Variants in VPS13A observed in about 807,000 individuals in gnomAD.
VPS13A encodes intermembrane lipid transfer protein VPS13A.
A neutral mutation model predicts 390.9 loss-of-function variants in VPS13A; 264 were observed. The observed-to-expected ratio is 0.68, with a 90% CI of 0.61 to 0.75. The LOEUF is 0.75. Among genes scored for constraint, VPS13A ranks in the 30% least tolerant of loss-of-function variants. VPS13A has a pLI of 0.00. For synonymous variants in VPS13A, 1,231 were observed against 1,227.1 expected (o/e 1.00, Z -0.07); for missense variants, 3,409 against 3,733.9 (o/e 0.91, Z 2.27).
chr9:77,251,053 A>C (rs534671366), intron 21 of VPS13A, among the ~76,000 whole-genome samples: 2 of 152,224 alleles, frequency 1.3e-5, no homozygotes, highest in Non-Finnish European at 2.9e-5. Flanking sequence ...TGAGAATCCA[A>C]AGTAGTTGTT....
intron 68 of VPS13A, chr9:77,384,752 C>T: frequency 1.9e-6 from 3 of 1,541,012 alleles, no homozygotes; most frequent in Non-Finnish European, 2.6e-6. Context: ...TACCATAATG[C>T]CCATATGTCC....
rs117179064 is a variant in VPS13A at position 77,336,344 on chromosome 9, A to G, written c.6096-911A>G. On this transcript the variant is annotated intron_variant, in intron 46 of 71. Transcript: ENST00000360280. ...TTCTGCATATGTATCCCAGAACCTA[A>G]AGTATAATTAAAACAAAAACACTAA... 1.2e-4 allele frequency among the ~76,000 whole-genome samples: 19 copies of G among 152,286 alleles called. No homozygotes were observed. In the East Asian group the frequency reaches 3.5e-3, roughly 28 times the overall value.
rs143494896 is a variant in VPS13A at position 77,412,042 on chromosome 9, A to G, written c.9475-3914A>G. Among the ~76,000 whole-genome samples, 57 of 152,338 alleles carry G rather than the reference A, an allele frequency of 3.7e-4. 1 individual carries two copies. The East Asian group carries it at 0.01, about 27-fold the overall frequency. Reference sequence around the variant, plus strand: ...ACATACACCCTCCCAAGACTAAAGCAGGAAGAAGTTGAGTCTCTGAAGAGA... The same window carrying G: ...ACATACACCCTCCCAAGACTAAAGCGGGAAGAAGTTGAGTCTCTGAAGAGA... On this transcript the variant is annotated intron_variant, in intron 71 of 71. Coordinates refer to ENST00000360280, the MANE Select transcript of VPS13A (RefSeq NM_033305.3).
intron 42 of VPS13A, among the ~76,000 whole-genome samples, chr9:77,320,201 A>G (rs1361868874): frequency 6.6e-6 from 1 of 152,158 alleles, no homozygotes; most frequent in African/African-American, 2.4e-5. Context: ...AGGGAGGTTA[A>G]GAGACTTCTT....
chr9:77,291,997 A>G (rs570268304), intron 31 of VPS13A, among the ~76,000 whole-genome samples: 1 of 152,158 alleles, frequency 6.6e-6, no homozygotes, highest in South Asian at 2.1e-4. Flanking sequence ...TCTTGTCCCT[A>G]GGATACTGTA....
In VPS13A at chr9:77,407,682, C is replaced by CAGAT. The variant is rs756858978; in HGVS notation, c.9474+77_9474+80dup. On this transcript the variant is annotated intron_variant, in intron 71 of 71. Coordinates refer to ENST00000360280, the MANE Select transcript of VPS13A (RefSeq NM_033305.3). The stretch of plus-strand genomic sequence containing the variant: ...CATGTAAGTGGACTATTTTTTAATG[C>CAGAT]AGATAAGTTTTGTTTGGGGGTTTTT... 94 of 1,174,804 alleles carry CAGAT rather than the reference C, an allele frequency of 8.0e-5. No individual in the cohort carries two copies. In the Admixed American group the frequency reaches 1.8e-3, roughly 22 times the overall value. The allele number at this position is 1,174,804 out of a possible 1,614,324, so 72.8% of individuals were successfully genotyped here.
chr9:77,409,084 C>T (rs1453753447), intron 71 of VPS13A, among the ~76,000 whole-genome samples: 2 of 152,208 alleles, frequency 1.3e-5, no homozygotes, highest in Non-Finnish European at 2.9e-5. Context: ...GCCAGGTACT[C>T]CTCTGAAACA....
chr9:77,307,929 C>CT lies in VPS13A; in HGVS notation c.3961-6dup, dbSNP rs3216012. ...AGTAGCAGTGCTAAAAAGAACAAAT[C>CT]TTTTTTTTTTAACAGTTCATTCTTA... On this transcript the variant is annotated splice_polypyrimidine_tract_variant and intron_variant, in intron 34 of 71. Transcript: ENST00000360280. 314,091 of 1,401,816 alleles carry CT rather than the reference C, an allele frequency of 0.22. 20,884 individuals carry two copies. The highest frequency in any genetic ancestry group is 0.39 in the Admixed American group (20,931 of 53,724). The allele number at this position is 1,401,816 out of a possible 1,614,324, so 86.8% of individuals were successfully genotyped here. A position where few individuals can be genotyped will look rare whatever the true frequency, so the allele number is the denominator to read the frequency against.
At chr9:77,382,148 T>A in intron 68 of VPS13A, 61 bp downstream of exon 68, 1 of 1,421,692 alleles carries the variant, frequency 7.0e-7, no homozygotes, top group East Asian at 2.5e-5. Flanking sequence ...TTTTTTTAAG[T>A]AGCCATTTAA....
intron 12 of VPS13A, 140 bp from the exon 13 acceptor site, chr9:77,221,045 T>G (rs1823180821): frequency 2.4e-6 from 2 of 828,252 alleles, no homozygotes; most frequent in Non-Finnish European, 3.9e-6. Context: ...TGGAGTTGGG[T>G]AAAAAGGAAG....
intron 13 of VPS13A, among the ~76,000 whole-genome samples, 161 bp from the exon 14 acceptor site, chr9:77,225,765 G>A (rs916311300): frequency 6.6e-6 from 1 of 152,020 alleles, no homozygotes; most frequent in African/African-American, 2.4e-5. Flanking sequence ...TTCAAGCATT[G>A]CTTCCCAGAA....
intron 19 of VPS13A, among the ~76,000 whole-genome samples, chr9:77,245,934 C>A (rs1333611110): frequency 6.6e-6 from 1 of 152,216 alleles, no homozygotes; most frequent in South Asian, 2.1e-4. Context: ...AGTTGGGGAG[C>A]CCACATGTGC....
rs2131499135 is a variant in VPS13A, at chr9:77,337,519, A to G, written c.6360A>G (p.Lys2120=). 2 of 1,612,596 alleles carry G rather than the reference A, an allele frequency of 1.2e-6. No homozygotes were observed. The highest frequency in any genetic ancestry group is 4.5e-5 in the East Asian group (2 of 44,762). ...TGCTCCGAAATCTTCTTCCTTACAAAATTGCTTATTATATAGAGGTATCGG... is the reference window on the plus strand; with the variant it reads ...TGCTCCGAAATCTTCTTCCTTACAAGATTGCTTATTATATAGAGGTATCGG... The part of the protein sequence containing the change: ...PILLRNLLPY[K]IAYYIEGIEN... The change falls in exon 47 of 72, where the codon AAA becomes AAG. Residue 2120 remains lysine, a synonymous_variant. Transcript: ENST00000360280.
chr9:77,359,260 G>A (rs1232101225), intron 57 of VPS13A, 73 bp from the exon 58 acceptor site: 14 of 1,190,476 alleles, frequency 1.2e-5, no homozygotes, highest in Admixed American at 1.7e-5. Flanking sequence ...TTCCATTGTG[G>A]TGTATATTGG....
At position 77,250,151 on chromosome 9, in the gene VPS13A, C is replaced by CT; in HGVS notation, c.2094dup (p.Lys699Ter). 6.2e-7 allele frequency: 1 copy of CT among 1,613,874 alleles called. No homozygotes were observed. The highest frequency in any genetic ancestry group is 1.1e-5 in the South Asian group (1 of 91,076). On this transcript the variant is annotated frameshift_variant, in exon 21 of 72. Coordinates refer to ENST00000360280, the MANE Select transcript of VPS13A (RefSeq NM_033305.3). LOFTEE classifies it high-confidence loss of function. The stretch of plus-strand genomic sequence containing the variant: ...AGATGTGAAACAAGGTGAGGCCAAT[C>CT]TTAAAGAGATAATGGATAGAGCTTA...
intron 68 of VPS13A, chr9:77,385,172 A>G: frequency 3.2e-6 from 3 of 925,420 alleles, no homozygotes; most frequent in South Asian, 9.7e-5. Flanking sequence ...TTTAATAATA[A>G]TAAACATATG....
intron 22 of VPS13A, among the ~76,000 whole-genome samples, chr9:77,253,324 G>A (rs984723386): frequency 3.3e-5 from 5 of 151,824 alleles, no homozygotes; most frequent in African/African-American, 7.3e-5. Flanking sequence ...TCTGTTTTTC[G>A]AGATGGAGTC....
rs1028864946 is a variant in VPS13A, at chr9:77,208,924, T to C, written c.386-499T>C. ...TTAATGCTGTTTTCTGAACATGAAATAGTTGATGAACTTCTTTCATCCTTG... is the reference window on the plus strand; with the variant it reads ...TTAATGCTGTTTTCTGAACATGAAACAGTTGATGAACTTCTTTCATCCTTG... On this transcript the variant is annotated intron_variant, in intron 5 of 71. Transcript: ENST00000360280. Among the ~76,000 whole-genome samples, 3 of 152,206 alleles carry C rather than the reference T, an allele frequency of 2.0e-5. No homozygotes were observed. The East Asian group carries it at 5.8e-4, about 29-fold the overall frequency.
At chr9:77,402,961 A>G (rs1834453755) in intron 68 of VPS13A, among the ~76,000 whole-genome samples, 1 of 152,216 alleles carries the variant, frequency 6.6e-6, no homozygotes, top group Admixed American at 6.5e-5. Flanking sequence ...TAAATACCTC[A>G]TTAGATTGAA....
Sources: allele counts gnomAD v4.1 joint callset (sites outside exome capture counted in the v4.1 genomes callset), GRCh38; gene constraint gnomAD v4.1.1; transcripts MANE v1.5; gene names NCBI Gene and HGNC (gene_info 2026-07-23, HGNC 2026-07-21).